SPPL3: variants seen among roughly 807,000 people sequenced by gnomAD.
SPPL3 encodes signal peptide peptidase like 3.
SPPL3 carries 5 observed loss-of-function variants against 42.4 expected under a neutral mutation model. That is an observed-to-expected ratio of 0.12 (90% CI 0.06 to 0.25). The LOEUF (loss-of-function observed/expected upper bound fraction) is 0.25, where lower values mean the gene tolerates loss of function less well. SPPL3 is among the 10% of genes least tolerant of loss of function. SPPL3 has a pLI of 1.00. For synonymous variants in SPPL3, 195 were observed against 181.8 expected (o/e 1.07, Z -0.58); for missense variants, 235 against 489.0 (o/e 0.48, Z 4.90).
chr12:120,874,217 C>T (rs140164623), intron 1 of SPPL3, among the ~76,000 whole-genome samples: 185 of 152,014 alleles, frequency 1.2e-3, no homozygotes, highest in African/African-American at 4.2e-3. Flanking sequence ...CTTAGGAAGA[C>T]CGAGGAAGGC....
intron 2 of SPPL3, among the ~76,000 whole-genome samples, chr12:120,793,913 G>A (rs1432940489): frequency 1.3e-5 from 2 of 152,188 alleles, no homozygotes; most frequent in Non-Finnish European, 2.9e-5. Context: ...ATGTCAATTA[G>A]GTCAAATTGA....
intron 1 of SPPL3, among the ~76,000 whole-genome samples, chr12:120,886,156 AT>A (rs886917805): frequency 2.0e-5 from 3 of 150,882 alleles, no homozygotes; most frequent in African/African-American, 7.3e-5. Context: ...AAAAAAAAAA[AT>A]TTTTTTTTCC....
chr12:120,812,023 G>A (rs1592974796), intron 1 of SPPL3, among the ~76,000 whole-genome samples: 1 of 151,910 alleles, frequency 6.6e-6, no homozygotes, highest in East Asian at 1.9e-4. Flanking sequence ...AACAGGACCT[G>A]GTGATTGTTT....
chr12:120,884,479 T>C (rs1873387355), intron 1 of SPPL3, among the ~76,000 whole-genome samples: 2 of 151,754 alleles, frequency 1.3e-5, no homozygotes, highest in South Asian at 2.1e-4. Flanking sequence ...GTAAGTTAAA[T>C]ATTAGGTAAT....
chr12:120,828,985 G>A (rs1158848059), intron 1 of SPPL3, among the ~76,000 whole-genome samples: 1 of 151,958 alleles, frequency 6.6e-6, no homozygotes, highest in Non-Finnish European at 1.5e-5. Flanking sequence ...CTGGTCATGA[G>A]CTCCTGGGCT....
At chr12:120,818,282 G>C (rs1486985989) in intron 1 of SPPL3, among the ~76,000 whole-genome samples, 1 of 152,200 alleles carries the variant, frequency 6.6e-6, no homozygotes, top group African/African-American at 2.4e-5. Context: ...CAGTCTTGAA[G>C]ACTTTGTCAA....
intron 1 of SPPL3, among the ~76,000 whole-genome samples, chr12:120,868,241 G>A (rs1872816622): frequency 6.6e-6 from 1 of 151,734 alleles, no homozygotes; most frequent in Admixed American, 6.6e-5. Flanking sequence ...GGGTGACGGA[G>A]CAAGACCCTG....
At chr12:120,815,294 A>ATTTTTTTTT (rs1483571192) in intron 1 of SPPL3, among the ~76,000 whole-genome samples, 1 of 152,172 alleles carries the variant, frequency 6.6e-6, no homozygotes, top group Non-Finnish European at 1.5e-5. Context: ...TAACTTTTGA[A>ATTTTTTTTT]TTTTTACCCA....
intron 1 of SPPL3, among the ~76,000 whole-genome samples, chr12:120,813,575 C>A (rs1197735737): frequency 6.6e-6 from 1 of 151,996 alleles, no homozygotes; most frequent in Non-Finnish European, 1.5e-5. Context: ...CCCGCCTCGG[C>A]CTCTCAAAGT....
In SPPL3 at chr12:120,819,256, C is replaced by T. The variant is rs575145065; in HGVS notation, c.24-8370G>A. 2.9e-5 allele frequency among the ~76,000 whole-genome samples: 4 copies of T among 139,956 alleles called. No individual in the cohort carries two copies. The East Asian group carries it at 9.4e-4, about 33-fold the overall frequency. The allele number at this position is 139,956 out of a possible 152,430, so 91.8% of individuals were successfully genotyped here. Reference sequence around the variant, plus strand: ...TTTTACTATATTACATTAAAATCCACTGGACTATCCTGAACTTTGTGTGAA... The same window carrying T: ...TTTTACTATATTACATTAAAATCCATTGGACTATCCTGAACTTTGTGTGAA... On this transcript the variant is annotated intron_variant, in intron 1 of 10. Transcript: ENST00000353487.
At chr12:120,798,483 T>A (rs114027204) in intron 2 of SPPL3, among the ~76,000 whole-genome samples, 1,755 of 152,320 alleles carry the variant, frequency 0.012, 43 homozygotes, top group African/African-American at 0.04. Context: ...TTCTAGTACA[T>A]GGTTTCACTT....
At chr12:120,845,952 C>T (rs929079273) in intron 1 of SPPL3, among the ~76,000 whole-genome samples, 3 of 151,860 alleles carry the variant, frequency 2.0e-5, no homozygotes, top group African/African-American at 7.3e-5. Context: ...GGCTAGAGTG[C>T]GGTGGTGCAA....
At chr12:120,903,732 GCC>G in intron 1 of SPPL3, 111 bp downstream of exon 1, 2 of 384,982 alleles carry the variant, frequency 5.2e-6, no homozygotes, top group Non-Finnish European at 8.7e-6. Flanking sequence ...CCCAACCCGC[GCC>G]CCCCCCCCAC....
intron 1 of SPPL3, among the ~76,000 whole-genome samples, chr12:120,860,766 G>A (rs1415684522): frequency 1.3e-5 from 2 of 152,120 alleles, no homozygotes; most frequent in Non-Finnish European, 2.9e-5. Context: ...GTAGAAGGCG[G>A]CAAACTTTTT....
chr12:120,886,356 C>G (rs1305701144), intron 1 of SPPL3, among the ~76,000 whole-genome samples: 1 of 152,006 alleles, frequency 6.6e-6, no homozygotes, highest in East Asian at 1.9e-4. Flanking sequence ...TATAGCAGAG[C>G]CCCAAAAGGC....
At chr12:120,782,227 A>C (rs1869569306) in intron 6 of SPPL3, among the ~76,000 whole-genome samples, 1 of 152,262 alleles carries the variant, frequency 6.6e-6, no homozygotes, top group African/African-American at 2.4e-5. Context: ...TATTCAAAGA[A>C]GCATCATTCA....
intron 2 of SPPL3, among the ~76,000 whole-genome samples, chr12:120,796,967 C>T (rs113534985): frequency 0.042 from 6,376 of 152,098 alleles, 183 homozygotes; most frequent in South Asian, 0.11. Flanking sequence ...GTCAGGAGTT[C>T]GAGACCAGCC....
At chr12:120,855,137 A>G (rs529526518) in intron 1 of SPPL3, among the ~76,000 whole-genome samples, 1 of 152,246 alleles carries the variant, frequency 6.6e-6, no homozygotes, top group Admixed American at 6.5e-5. Context: ...TAGACCCCAC[A>G]GAGTGCAAGA....
At chr12:120,822,398 A>C (rs1297559485) in intron 1 of SPPL3, among the ~76,000 whole-genome samples, 1 of 152,258 alleles carries the variant, frequency 6.6e-6, no homozygotes, top group East Asian at 1.9e-4. Flanking sequence ...AATGCTGATA[A>C]TAGTTTTAGA....
Sources: allele counts gnomAD v4.1 joint callset (sites outside exome capture counted in the v4.1 genomes callset), GRCh38; gene constraint gnomAD v4.1.1; transcripts MANE v1.5; gene names NCBI Gene and HGNC (gene_info 2026-07-23, HGNC 2026-07-21).